The following HECW1 variants were observed in gnomAD, a reference collection of about 807,000 sequenced individuals.
HECW1 encodes HECT, C2 and WW domain containing E3 ubiquitin protein ligase 1, also known as E3 ubiquitin-protein ligase HECW1.
HECW1 carries 61 observed loss-of-function variants against 182.3 expected under a neutral mutation model. The observed-to-expected ratio is 0.33, with a 90% confidence interval of 0.27 to 0.41. HECW1 has a LOEUF of 0.41. HECW1 is among the 10% of genes least tolerant of loss of function. The pLI is 1.00. For missense variants in HECW1, 1,739 were observed against 2,108.9 expected, an observed-to-expected ratio of 0.82 and a Z score of 3.44; for synonymous variants, 859 against 832.6, an observed-to-expected ratio of 1.03 and a Z score of -0.55.
At chr7:43,371,945 T>C (rs2074121546) in intron 6 of HECW1, among the ~76,000 whole-genome samples, 2 of 152,038 alleles carry the variant, frequency 1.3e-5, no homozygotes, top group South Asian at 4.2e-4. Context: ...TCAACCTCCC[T>C]AGTAGCTGAG....
At chr7:43,510,797 G>A (rs774655295) in intron 24 of HECW1, among the ~76,000 whole-genome samples, 39 of 152,204 alleles carry the variant, frequency 2.6e-4, no homozygotes, top group Non-Finnish European at 4.7e-4. Flanking sequence ...GGAAGCTGAC[G>A]TTTGAAGAAA....
intron 7 of HECW1, among the ~76,000 whole-genome samples, chr7:43,404,976 C>CA (rs111817111): frequency 0.16 from 23,589 of 151,590 alleles, 2,045 homozygotes; most frequent in South Asian, 0.24. Flanking sequence ...AACTCCATGT[C>CA]AAAAAAATCA....
At chr7:43,390,048 T>A (rs1202794687) in intron 6 of HECW1, among the ~76,000 whole-genome samples, 1 of 152,166 alleles carries the variant, frequency 6.6e-6, no homozygotes, top group African/African-American at 2.4e-5. Context: ...AAGAAAATCA[T>A]TCCTAATTAA....
At chr7:43,554,912 A>G in intron 29 of HECW1, 122 bp downstream of exon 29, 1 of 861,928 alleles carries the variant, frequency 1.2e-6, no homozygotes, top group South Asian at 1.7e-5. Context: ...AAGTATTGTC[A>G]TTGGAGTTAT....
intron 2 of HECW1, among the ~76,000 whole-genome samples, chr7:43,235,943 C>T (rs1457301123): frequency 6.6e-6 from 1 of 152,154 alleles, no homozygotes; most frequent in African/African-American, 2.4e-5. Flanking sequence ...AATCCCAGCA[C>T]TTTGGGATGC....
intron 7 of HECW1, 78 bp downstream of exon 7, chr7:43,396,967 C>G: frequency 9.7e-7 from 1 of 1,027,210 alleles, no homozygotes; most frequent in Non-Finnish European, 1.5e-6. Flanking sequence ...TTCCATTTCA[C>G]TCTTACCTAC....
chr7:43,139,930 A>G (rs1787988248), intron 2 of HECW1, among the ~76,000 whole-genome samples: 1 of 152,202 alleles, frequency 6.6e-6, no homozygotes, highest in African/African-American at 2.4e-5. Flanking sequence ...GTTCTGTGAA[A>G]TGGACTTGGT....
Position 43,554,807 on chromosome 7 carries a change from A to G in HECW1, c.4709+17A>G. 6.2e-7 allele frequency: 1 copy of G among 1,608,838 alleles called. No individual in the cohort carries two copies. The highest frequency in any genetic ancestry group is 1.1e-5 in the South Asian group (1 of 90,226). ...TCTCCCCAGGTACAGAGCTCCTGCC[A>G]GCCTTCGGGGAAACCTGCTGAAGAG... On this transcript the variant is annotated intron_variant, in intron 29 of 29. Coordinates refer to ENST00000395891, the MANE Select transcript of HECW1 (RefSeq NM_015052.5).
intron 3 of HECW1, among the ~76,000 whole-genome samples, chr7:43,295,163 A>G (rs184298455): frequency 6.6e-6 from 1 of 152,252 alleles, no homozygotes; most frequent in Non-Finnish European, 1.5e-5. Flanking sequence ...TCAGGTATGC[A>G]TTGTCTCGTG....
chr7:43,541,331 G>T (rs1400509820), intron 25 of HECW1, 70 bp downstream of exon 25: 4 of 1,169,388 alleles, frequency 3.4e-6, no homozygotes, highest in Non-Finnish European at 5.2e-6. Context: ...CCTCTCTGGT[G>T]CCACTGACCC....
intron 2 of HECW1, among the ~76,000 whole-genome samples, chr7:43,176,753 C>T (rs1405351845): frequency 1.3e-5 from 2 of 152,186 alleles, no homozygotes; most frequent in Admixed American, 6.5e-5. Context: ...TGCTGCATGG[C>T]GGACTAAGTT....
chr7:43,241,077 G>A (rs1435669202), intron 2 of HECW1: 32 of 152,214 alleles, frequency 2.1e-4, no homozygotes, highest in Admixed American at 1.8e-3. Flanking sequence ...GTACTTTGTC[G>A]ATTCCTAATA....
chr7:43,485,790 G>T (rs932010531), intron 17 of HECW1, among the ~76,000 whole-genome samples: 1 of 152,190 alleles, frequency 6.6e-6, no homozygotes, highest in Non-Finnish European at 1.5e-5. Flanking sequence ...GTGAGTGAGT[G>T]ACTGTGAGGC....
At chr7:43,205,329 C>T (rs566299039) in intron 2 of HECW1, among the ~76,000 whole-genome samples, 15 of 152,286 alleles carry the variant, frequency 9.8e-5, no homozygotes, top group Admixed American at 7.8e-4. Flanking sequence ...ATGATCGGCC[C>T]GCCTTGGCCT....
At chr7:43,461,781 G>A (rs1371072554) in intron 13 of HECW1, among the ~76,000 whole-genome samples, 3 of 152,152 alleles carry the variant, frequency 2.0e-5, no homozygotes, top group East Asian at 1.9e-4. Context: ...CTAAGAGGCC[G>A]GCTCAGGAAA....
At chr7:43,194,818 C>G (rs931217905) in intron 2 of HECW1, among the ~76,000 whole-genome samples, 1 of 152,056 alleles carries the variant, frequency 6.6e-6, no homozygotes, top group Admixed American at 6.5e-5. Context: ...CTCAGCCTCC[C>G]AAGTAGCTGG....
chr7:43,350,028 C>G (rs944763046), intron 5 of HECW1, among the ~76,000 whole-genome samples: 1 of 152,112 alleles, frequency 6.6e-6, no homozygotes, highest in African/African-American at 2.4e-5. Flanking sequence ...ATTTAGAGCT[C>G]CTTTTAGCAG....
At chr7:43,353,657 C>G (rs890157893) in intron 5 of HECW1, among the ~76,000 whole-genome samples, 1 of 152,080 alleles carries the variant, frequency 6.6e-6, no homozygotes, top group Non-Finnish European at 1.5e-5. Context: ...TACCTGGCAC[C>G]AAGTGCATGG....
At chr7:43,369,153 T>C (rs529146834) in intron 6 of HECW1, among the ~76,000 whole-genome samples, 2 of 152,260 alleles carry the variant, frequency 1.3e-5, no homozygotes, top group South Asian at 4.2e-4. Context: ...TGTCACTCTT[T>C]GCTGACATAA....
Sources: allele counts gnomAD v4.1 joint callset (sites outside exome capture counted in the v4.1 genomes callset), GRCh38; gene constraint gnomAD v4.1.1; transcripts MANE v1.5; gene names NCBI Gene and HGNC (gene_info 2026-07-23, HGNC 2026-07-21).